Variants in WDR72 observed in about 807,000 individuals in gnomAD.
WDR72 encodes the protein WD repeat-containing protein 72.
Under a neutral mutation model 124.2 loss-of-function variants are expected in WDR72, and 120 were observed. That is an observed-to-expected ratio of 0.97 (90% CI 0.83 to 1.12). The LOEUF (loss-of-function observed/expected upper bound fraction) is 1.12. Ranked by LOEUF, WDR72 falls within the 50% of genes most tolerant of loss-of-function variation. The pLI, the probability that WDR72 is intolerant of heterozygous loss-of-function variation, is 0.00. For missense variants in WDR72, 1,387 were observed against 1,278.8 expected (o/e 1.08, Z -1.29); for synonymous variants, 452 against 441.7 (o/e 1.02, Z -0.29).
intron 14 of WDR72, among the ~76,000 whole-genome samples, chr15:53,628,541 A>G (rs1225696408): frequency 1.3e-5 from 2 of 152,182 alleles, no homozygotes; most frequent in Non-Finnish European, 2.9e-5. Flanking sequence ...ACAAGTCTAC[A>G]ATGTAGATAA....
At chr15:53,564,242 T>C (rs999418241) in intron 18 of WDR72, among the ~76,000 whole-genome samples, 3 of 151,752 alleles carry the variant, frequency 2.0e-5, no homozygotes, top group Non-Finnish European at 4.4e-5. Context: ...TGATAATTGA[T>C]TTTTTTGGAG....
intron 18 of WDR72, among the ~76,000 whole-genome samples, chr15:53,560,836 T>C (rs1313713736): frequency 6.6e-6 from 1 of 151,740 alleles, no homozygotes; most frequent in Non-Finnish European, 1.5e-5. Flanking sequence ...ATTATATTCA[T>C]TTGTGTCCTC....
chr15:53,720,089 CTATT>C (rs1436749125), intron 3 of WDR72, among the ~76,000 whole-genome samples: 3 of 151,818 alleles, frequency 2.0e-5, no homozygotes. Flanking sequence ...TTATTTTGTG[CTATT>C]TGTCCCATTT....
chr15:53,724,919 T>C (rs2017978734), intron 2 of WDR72, among the ~76,000 whole-genome samples: 1 of 152,084 alleles, frequency 6.6e-6, no homozygotes, highest in Non-Finnish European at 1.5e-5. Context: ...AGGCTTCAAG[T>C]TTCACTTCTA....
intron 14 of WDR72, among the ~76,000 whole-genome samples, chr15:53,634,182 C>G (rs1490219304): frequency 6.6e-6 from 1 of 152,082 alleles, no homozygotes; most frequent in African/African-American, 2.4e-5. Context: ...TGGACATAAA[C>G]AACAAAAATA....
chr15:53,678,643 C>T (rs1417632438), intron 13 of WDR72, among the ~76,000 whole-genome samples: 2 of 152,300 alleles, frequency 1.3e-5, no homozygotes, highest in East Asian at 3.9e-4. Context: ...TTGTCCTACC[C>T]AATTCTGAAT....
At chr15:53,596,403 C>A (rs1372221213) in intron 18 of WDR72, among the ~76,000 whole-genome samples, 1 of 151,940 alleles carries the variant, frequency 6.6e-6, no homozygotes, top group Non-Finnish European at 1.5e-5. Flanking sequence ...GGCCCTAAAC[C>A]ATAAACATTA....
intron 13 of WDR72, chr15:53,684,009 T>G (rs2016499873): frequency 6.6e-6 from 1 of 152,082 alleles, no homozygotes; most frequent in Non-Finnish European, 1.5e-5. Context: ...GTAAATAAAA[T>G]GCATATAATA....
At chr15:53,731,098 T>C (rs764552425) in intron 2 of WDR72, among the ~76,000 whole-genome samples, 21 of 152,178 alleles carry the variant, frequency 1.4e-4, no homozygotes, top group Admixed American at 9.2e-4. Flanking sequence ...TTTTGCACAA[T>C]GTCCTCACAG....
At chr15:53,535,469 G>T (rs1481950881) in intron 18 of WDR72, among the ~76,000 whole-genome samples, 1 of 152,094 alleles carries the variant, frequency 6.6e-6, no homozygotes, top group Non-Finnish European at 1.5e-5. Flanking sequence ...GAGAGATTCG[G>T]CTTAAAATTT....
intron 18 of WDR72, among the ~76,000 whole-genome samples, chr15:53,582,233 G>A (rs531659726): frequency 2.5e-4 from 38 of 152,058 alleles, no homozygotes; most frequent in African/African-American, 8.9e-4. Flanking sequence ...ATTCCAGAAA[G>A]AGACAACTCG....
intron 18 of WDR72, among the ~76,000 whole-genome samples, chr15:53,555,111 T>A (rs1233907276): frequency 6.6e-6 from 1 of 152,038 alleles, no homozygotes; most frequent in Non-Finnish European, 1.5e-5. Context: ...ATGATTCATC[T>A]GAGATGGAGA....
chr15:53,549,048 T>TAA (rs974817983), intron 18 of WDR72, among the ~76,000 whole-genome samples: 1 of 152,228 alleles, frequency 6.6e-6, no homozygotes, highest in African/African-American at 2.4e-5. Flanking sequence ...TTCAAACAGT[T>TAA]AAGTATGGAT....
intron 18 of WDR72, among the ~76,000 whole-genome samples, chr15:53,588,868 G>A (rs937035685): frequency 6.6e-6 from 1 of 151,916 alleles, no homozygotes; most frequent in Non-Finnish European, 1.5e-5. Context: ...AGTGGAGGCT[G>A]ACCCAAGCCA....
intron 14 of WDR72, among the ~76,000 whole-genome samples, chr15:53,631,046 A>AT (rs1042999331): frequency 6.6e-6 from 1 of 152,164 alleles, no homozygotes; most frequent in Non-Finnish European, 1.5e-5. Flanking sequence ...GAAAATTGAT[A>AT]TTTTTTGGAT....
chr15:53,753,070 C>T (rs1315203733), intron 1 of WDR72, among the ~76,000 whole-genome samples: 2 of 152,154 alleles, frequency 1.3e-5, no homozygotes, highest in African/African-American at 2.4e-5. Context: ...AAGTTTCATT[C>T]CCATGGCTGT....
At chr15:53,705,814 A>T (rs57319234) in intron 10 of WDR72, 113 bp downstream of exon 10, 4 of 1,266,680 alleles carry the variant, frequency 3.2e-6, no homozygotes, top group Non-Finnish European at 4.5e-6. Context: ...ACGTAGTAGT[A>T]CACAATAAAT....
At chr15:53,664,782 G>A (rs1388744102) in intron 14 of WDR72, among the ~76,000 whole-genome samples, 1 of 151,920 alleles carries the variant, frequency 6.6e-6, no homozygotes, top group Non-Finnish European at 1.5e-5. Flanking sequence ...AAGACATAGA[G>A]AAACAATTTA....
intron 9 of WDR72, among the ~76,000 whole-genome samples, chr15:53,708,019 C>T (rs1451866324): frequency 6.6e-6 from 1 of 152,146 alleles, no homozygotes; most frequent in Non-Finnish European, 1.5e-5. Context: ...TGCTCTCATC[C>T]CCTCTGCCTT....
Sources: allele counts gnomAD v4.1 joint callset (sites outside exome capture counted in the v4.1 genomes callset), GRCh38; gene constraint gnomAD v4.1.1; transcripts MANE v1.5; gene names NCBI Gene and HGNC (gene_info 2026-07-23, HGNC 2026-07-21).